TMC1: variants seen among roughly 807,000 people sequenced by gnomAD.
The protein encoded by TMC1 is transmembrane channel-like protein 1.
TMC1 carries 84 observed loss-of-function variants against 105.8 expected under a neutral mutation model. The observed-to-expected ratio is 0.79, with a 90% CI of 0.67 to 0.95. The LOEUF is 0.95. Ranked by LOEUF, TMC1 falls within the 40% of genes least tolerant of loss-of-function variation. The pLI, the probability that TMC1 is intolerant of heterozygous loss-of-function variation, is 0.00. For synonymous variants in TMC1, 315 were observed against 311.5 expected (o/e 1.01, Z -0.12); for missense variants, 817 against 914.1 (o/e 0.89, Z 1.37).
intron 5 of TMC1, among the ~76,000 whole-genome samples, chr9:72,649,144 C>T (rs920506534): frequency 2.6e-5 from 4 of 152,068 alleles, no homozygotes; most frequent in Non-Finnish European, 5.9e-5. Flanking sequence ...GACATCAAAC[C>T]CTATTGTTGT....
intron 1 of TMC1, among the ~76,000 whole-genome samples, chr9:72,558,371 A>G (rs1823980589): frequency 6.6e-6 from 1 of 152,224 alleles, no homozygotes; most frequent in Non-Finnish European, 1.5e-5. Flanking sequence ...GTAGCTAAGC[A>G]TAGAGTAATG....
At chr9:72,769,852 A>C (rs1827897002) in intron 12 of TMC1, among the ~76,000 whole-genome samples, 1 of 152,230 alleles carries the variant, frequency 6.6e-6, no homozygotes, top group Non-Finnish European at 1.5e-5. Context: ...ATGAGGGTTA[A>C]ATAAAGAGTT....
intron 1 of TMC1, among the ~76,000 whole-genome samples, chr9:72,524,076 A>G (rs376225159): frequency 3.9e-4 from 59 of 152,278 alleles, no homozygotes; most frequent in East Asian, 3.3e-3. Context: ...ACTTGCCACT[A>G]TACTTGGTCC....
At chr9:72,590,968 G>A (rs981737499) in intron 2 of TMC1, among the ~76,000 whole-genome samples, 4 of 152,120 alleles carry the variant, frequency 2.6e-5, no homozygotes, top group Non-Finnish European at 5.9e-5. Flanking sequence ...ACTGAGATCC[G>A]CGGAATAAGT....
At chr9:72,749,716 T>C (rs980667388) in intron 10 of TMC1, among the ~76,000 whole-genome samples, 2 of 152,180 alleles carry the variant, frequency 1.3e-5, no homozygotes, top group Non-Finnish European at 2.9e-5. Flanking sequence ...TTCAAAATCA[T>C]TGATTTTTTC....
intron 1 of TMC1, among the ~76,000 whole-genome samples, chr9:72,554,338 A>G (rs1358103756): frequency 6.6e-6 from 1 of 152,174 alleles, no homozygotes; most frequent in African/African-American, 2.4e-5. Flanking sequence ...TGAGCATTCC[A>G]GAGGGCTAAG....
chr9:72,691,088 G>A (rs1043999003), intron 6 of TMC1, among the ~76,000 whole-genome samples: 1 of 151,690 alleles, frequency 6.6e-6, no homozygotes, highest in African/African-American at 2.4e-5. Flanking sequence ...TTGCTTGATC[G>A]AGTCTGCTGT....
intron 13 of TMC1, among the ~76,000 whole-genome samples, chr9:72,787,464 C>T (rs1828185204): frequency 6.6e-6 from 1 of 151,826 alleles, no homozygotes; most frequent in East Asian, 1.9e-4. Context: ...GTTTATATGA[C>T]TATAATATTT....
chr9:72,684,135 A>G (rs1826337975), intron 5 of TMC1, among the ~76,000 whole-genome samples: 1 of 152,130 alleles, frequency 6.6e-6, no homozygotes, highest in African/African-American at 2.4e-5. Context: ...TTTACATTAT[A>G]GGTGGTTCAT....
chr9:72,836,124 C>A lies in TMC1; in HGVS notation c.*151C>A. 2.3e-6 allele frequency: 2 copies of A among 861,720 alleles called. No homozygotes were observed. The highest frequency in any genetic ancestry group is 3.9e-6 in the Non-Finnish European group (2 of 510,164). 53.4% of individuals were successfully genotyped at this position (861,720 alleles called of 1,614,324 possible). Reference sequence around the variant, plus strand: ...TCAAGGTCATGCTGGCCAATTAAGGCATCATCAGTCCTACCTGAGCAACAA... The same window carrying A: ...TCAAGGTCATGCTGGCCAATTAAGGAATCATCAGTCCTACCTGAGCAACAA... On this transcript the variant is annotated 3_prime_UTR_variant, in exon 24 of 24. Transcript: ENST00000297784.
At chr9:72,711,315 T>C (rs1199229957) in intron 8 of TMC1, among the ~76,000 whole-genome samples, 1 of 152,226 alleles carries the variant, frequency 6.6e-6, no homozygotes, top group Non-Finnish European at 1.5e-5. Context: ...ATGGTATTTC[T>C]AGTTTCAGAT....
chr9:72,657,871 T>A (rs959449369), intron 5 of TMC1, among the ~76,000 whole-genome samples: 8 of 152,190 alleles, frequency 5.3e-5, no homozygotes, highest in African/African-American at 1.9e-4. Flanking sequence ...ATATCAGTCA[T>A]GACACAGTCT....
chr9:72,560,886 T>G lies in TMC1; in HGVS notation c.-427-17016T>G, dbSNP rs143503660. On this transcript the variant is annotated intron_variant, in intron 1 of 23. Transcript: ENST00000297784. Reference sequence around the variant, plus strand: ...AGCAAACTTCATTATAATTATTTTATTTTTCTGATGACATCAGATTTCTGT... The same window carrying G: ...AGCAAACTTCATTATAATTATTTTAGTTTTCTGATGACATCAGATTTCTGT... Among the ~76,000 whole-genome samples, 13 of 152,316 alleles carry G rather than the reference T, an allele frequency of 8.5e-5. No individual in the cohort carries two copies. The East Asian group carries it at 2.5e-3, about 29-fold the overall frequency.
intron 23 of TMC1, among the ~76,000 whole-genome samples, chr9:72,834,724 GA>G (rs895715312): frequency 6.6e-6 from 1 of 152,020 alleles, no homozygotes; most frequent in Non-Finnish European, 1.5e-5. Context: ...ACTCTTTTTA[GA>G]AAAAATTATT....
At chr9:72,719,418 C>T (rs1826977947) in intron 8 of TMC1, among the ~76,000 whole-genome samples, 1 of 152,272 alleles carries the variant, frequency 6.6e-6, no homozygotes, top group Middle Eastern at 3.4e-3. Flanking sequence ...TGTCTCAGCT[C>T]CAGGTAAGGT....
At chr9:72,694,471 A>T in intron 6 of TMC1, 72 bp from the exon 7 acceptor site, 1 of 1,391,306 alleles carries the variant, frequency 7.2e-7, no homozygotes, top group Non-Finnish European at 1.0e-6. Flanking sequence ...AGTTATTAAA[A>T]ACTAAGAATA....
intron 4 of TMC1, among the ~76,000 whole-genome samples, chr9:72,636,590 C>G (rs71505988): frequency 6.6e-6 from 1 of 151,236 alleles, no homozygotes; most frequent in African/African-American, 2.4e-5. Flanking sequence ...AGCCTGCAGT[C>G]TGAGCTACTC....
intron 2 of TMC1, among the ~76,000 whole-genome samples, chr9:72,614,877 A>T (rs1402100483): frequency 6.6e-6 from 1 of 152,064 alleles, no homozygotes; most frequent in African/African-American, 2.4e-5. Context: ...ACAGGGTTTC[A>T]TCATGTTGCT....
intron 2 of TMC1, among the ~76,000 whole-genome samples, chr9:72,584,298 C>T (rs1824518477): frequency 6.8e-6 from 1 of 147,140 alleles, no homozygotes; most frequent in African/African-American, 2.6e-5. Context: ...CAGGGTCTGG[C>T]TCTGTTACCC....
Sources: allele counts gnomAD v4.1 joint callset (sites outside exome capture counted in the v4.1 genomes callset), GRCh38; gene constraint gnomAD v4.1.1; transcripts MANE v1.5; gene names NCBI Gene and HGNC (gene_info 2026-07-23, HGNC 2026-07-21).